The following PLCB4 variants were observed in gnomAD, a reference collection of about 807,000 sequenced individuals.
The protein encoded by PLCB4 is 1-phosphatidylinositol 4,5-bisphosphate phosphodiesterase beta-4.
PLCB4 carries 77 observed loss-of-function variants against 178.8 expected under a neutral mutation model. The ratio of observed to expected loss-of-function variants is 0.43; its 90% CI spans 0.36 to 0.52. PLCB4 has a LOEUF of 0.52. PLCB4 is among the 20% of genes least tolerant of loss of function. The probability of loss-of-function intolerance (pLI) is 0.00; values close to 1 mark genes in which losing one functional copy is unlikely to be tolerated. For synonymous variants in PLCB4, 496 were observed against 490.8 expected (o/e 1.01, Z -0.14); for missense variants, 1,024 against 1,453.4 (o/e 0.70, Z 4.80).
chr20:9,333,791 C>T (rs2032046070), intron 4 of PLCB4, among the ~76,000 whole-genome samples: 1 of 151,922 alleles, frequency 6.6e-6, no homozygotes, highest in Non-Finnish European at 1.5e-5. Context: ...TAGAAGAAGA[C>T]TTGCTACTGA....
chr20:9,173,233 C>T (rs913596877), intron 2 of PLCB4, among the ~76,000 whole-genome samples: 2 of 152,172 alleles, frequency 1.3e-5, no homozygotes, highest in Non-Finnish European at 2.9e-5. Flanking sequence ...ATGATTGGAC[C>T]TACTCAATAA....
chr20:9,218,193 C>T (rs1228110959), intron 3 of PLCB4, among the ~76,000 whole-genome samples: 1 of 152,168 alleles, frequency 6.6e-6, no homozygotes, highest in Non-Finnish European at 1.5e-5. Flanking sequence ...TCACTGCAAC[C>T]TCTGCCTCCT....
intron 2 of PLCB4, among the ~76,000 whole-genome samples, chr20:9,096,606 AT>A (rs2090920082): frequency 6.6e-6 from 1 of 152,178 alleles, no homozygotes; most frequent in Non-Finnish European, 1.5e-5. Context: ...CAGCAGATCC[AT>A]TTTTTTATTG....
intron 2 of PLCB4, among the ~76,000 whole-genome samples, chr20:9,185,918 C>T (rs551144110): frequency 6.6e-6 from 1 of 152,276 alleles, no homozygotes; most frequent in Non-Finnish European, 1.5e-5. Context: ...TTAACCCCTA[C>T]TCCGTTCTCT....
At chr20:9,313,350 A>G (rs1180509823) in intron 4 of PLCB4, among the ~76,000 whole-genome samples, 2 of 152,208 alleles carry the variant, frequency 1.3e-5, no homozygotes, top group Non-Finnish European at 2.9e-5. Flanking sequence ...TGCCAGACAG[A>G]TGCTGGAAAT....
At chr20:9,125,083 T>TC (rs2092076153) in intron 2 of PLCB4, among the ~76,000 whole-genome samples, 1 of 152,160 alleles carries the variant, frequency 6.6e-6, no homozygotes, top group South Asian at 2.1e-4. Flanking sequence ...TACGCTTGAC[T>TC]CCATCAATTC....
chr20:9,332,995 C>A (rs554768137), intron 4 of PLCB4, among the ~76,000 whole-genome samples: 1 of 152,164 alleles, frequency 6.6e-6, no homozygotes, highest in Non-Finnish European at 1.5e-5. Context: ...TTTAGGCAGA[C>A]GGCCTCAACC....
chr20:9,131,186 A>G (rs950171087), intron 2 of PLCB4, among the ~76,000 whole-genome samples: 2 of 152,106 alleles, frequency 1.3e-5, no homozygotes, highest in African/African-American at 4.8e-5. Flanking sequence ...CTTTCGGTAC[A>G]TCTATTGCCC....
At chr20:9,279,007 A>G (rs977777690) in intron 3 of PLCB4, among the ~76,000 whole-genome samples, 3 of 151,992 alleles carry the variant, frequency 2.0e-5, no homozygotes, top group Non-Finnish European at 4.4e-5. Context: ...GCTTTACTGT[A>G]TTTCCTTTCT....
chr20:9,456,850 G>T (rs144885718), intron 33 of PLCB4, among the ~76,000 whole-genome samples: 1 of 152,154 alleles, frequency 6.6e-6, no homozygotes, highest in Non-Finnish European at 1.5e-5. Flanking sequence ...TTTCAGCAGC[G>T]ATGTGGATAT....
intron 12 of PLCB4, among the ~76,000 whole-genome samples, chr20:9,378,997 T>G (rs1004762529): frequency 6.6e-6 from 1 of 152,200 alleles, no homozygotes; most frequent in Non-Finnish European, 1.5e-5. Context: ...GTGCATATAT[T>G]TGGGTAAAGA....
At chr20:9,252,091 T>A (rs1013985970) in intron 3 of PLCB4, among the ~76,000 whole-genome samples, 2 of 152,338 alleles carry the variant, frequency 1.3e-5, no homozygotes, top group South Asian at 4.1e-4. Context: ...AAAGTGTTCA[T>A]AAACCTAAGT....
chr20:9,347,375 A>G (rs1249566294), intron 7 of PLCB4, among the ~76,000 whole-genome samples: 1 of 152,216 alleles, frequency 6.6e-6, no homozygotes, highest in Non-Finnish European at 1.5e-5. Context: ...AACATTGTGC[A>G]AAATGACAAA....
chr20:9,329,877 T>C (rs1261356909), intron 4 of PLCB4, among the ~76,000 whole-genome samples: 1 of 152,060 alleles, frequency 6.6e-6, no homozygotes, highest in Non-Finnish European at 1.5e-5. Context: ...TCTATATCCT[T>C]CCAAGCAAGA....
chr20:9,244,870 A>G (rs2094108590), intron 3 of PLCB4, among the ~76,000 whole-genome samples: 1 of 152,162 alleles, frequency 6.6e-6, no homozygotes, highest in Non-Finnish European at 1.5e-5. Flanking sequence ...GGCTTAAAAT[A>G]TTAAGTATTT....
At chr20:9,102,300 T>C (rs2091187085) in intron 2 of PLCB4, among the ~76,000 whole-genome samples, 2 of 152,216 alleles carry the variant, frequency 1.3e-5, no homozygotes, top group South Asian at 2.1e-4. Flanking sequence ...TTAATAGTTC[T>C]GTATAGATGA....
intron 2 of PLCB4, among the ~76,000 whole-genome samples, chr20:9,155,756 G>A (rs1039821567): frequency 3.3e-5 from 5 of 152,074 alleles, no homozygotes; most frequent in African/African-American, 1.2e-4. Flanking sequence ...TGTTTTTTGG[G>A]ACAATAGTGA....
At chr20:9,142,688 CCTT>C (rs1409447817) in intron 2 of PLCB4, among the ~76,000 whole-genome samples, 1 of 152,102 alleles carries the variant, frequency 6.6e-6, no homozygotes. Flanking sequence ...CAGTCATCAC[CCTT>C]CTTCACCTGG....
intron 14 of PLCB4, among the ~76,000 whole-genome samples, chr20:9,385,932 G>A (rs1251827788): frequency 2.0e-5 from 3 of 152,184 alleles, no homozygotes; most frequent in Non-Finnish European, 2.9e-5. Context: ...GTGGCGAGCC[G>A]AGATCACGCC....
Sources: gnomAD v4.1 joint callset for allele counts (sites outside exome capture counted in the v4.1 genomes callset) on GRCh38, gnomAD v4.1.1 for gene constraint, MANE v1.5 for transcripts, NCBI Gene and HGNC (gene_info 2026-07-23, HGNC 2026-07-21) for gene names.